The following NUDT6 variants were observed in gnomAD, a reference collection of about 807,000 sequenced individuals.
NUDT6 encodes the protein nudix hydrolase 6.
In NUDT6, 24 loss-of-function variants were observed where a neutral mutation model predicts 36.8. That is an observed-to-expected ratio of 0.65 (90% CI 0.47 to 0.92). NUDT6 has a LOEUF of 0.92. Ranked by LOEUF, NUDT6 falls within the 40% of genes least tolerant of loss-of-function variation. NUDT6 has a pLI of 0.00. For synonymous variants in NUDT6, 163 were observed against 157.0 expected (o/e 1.04, Z -0.29); for missense variants, 388 against 392.8 (o/e 0.99, Z 0.10).
chr4:122,895,125 C>CG (rs1260935934), intron 4 of NUDT6: 3 of 152,134 alleles, frequency 2.0e-5, no homozygotes, highest in South Asian at 2.1e-4. Context: ...CCAGAGTATG[C>CG]GGGAGACCCT....
rs561954874 is a variant in NUDT6 at position 122,898,430 on chromosome 4, C to T, written c.499-752G>A. Among the ~76,000 whole-genome samples the T allele has an allele frequency of 7.2e-5, 11 of 152,082 alleles. No homozygotes were observed. The South Asian group carries it at 1.9e-3, about 26-fold the overall frequency. The stretch of plus-strand genomic sequence containing the variant: ...CTGTTAGAGTTCTATCTATCCATCA[C>T]GTGATAAAAGAAAAGAATGAGAAAT... On this transcript the variant is annotated intron_variant, in intron 3 of 4. Transcript: ENST00000304430.
chr4:122,918,845 A>G (rs1727905694), intron 1 of NUDT6: 1 of 152,264 alleles, frequency 6.6e-6, no homozygotes, highest in Non-Finnish European at 1.5e-5. Flanking sequence ...GAGGTAAAGT[A>G]CATAAAGTGA....
At chr4:122,910,412 G>C (rs1727709732) in intron 3 of NUDT6, among the ~76,000 whole-genome samples, 1 of 152,044 alleles carries the variant, frequency 6.6e-6, no homozygotes, top group Admixed American at 6.6e-5. Flanking sequence ...ACATACCCAA[G>C]TTTGTTTTCT....
Position 122,897,681 on chromosome 4 carries a change from G to T in NUDT6, c.499-3C>A. 5 of 1,595,004 alleles carry T rather than the reference G, an allele frequency of 3.1e-6. No homozygotes were observed. The highest frequency in any genetic ancestry group is 4.3e-6 in the Non-Finnish European group (5 of 1,162,678). ...GGAAACTTCCACATATTTTTCAACT[G>T]CAGTATAAAGTCAGAAAATAAAGTT... On this transcript the variant is annotated splice_polypyrimidine_tract_variant and splice_region_variant and intron_variant, in intron 3 of 4. Coordinates refer to ENST00000304430, the MANE Select transcript of NUDT6 (RefSeq NM_007083.5).
At chr4:122,922,278 T>C (rs746446381) in intron 1 of NUDT6, 57 bp downstream of exon 1, 2 of 1,469,036 alleles carry the variant, frequency 1.4e-6, no homozygotes, top group South Asian at 2.4e-5. Context: ...GGGGCCGCGG[T>C]TATTTCATTA....
Position 122,922,377 on chromosome 4 carries a change from G to A in NUDT6, c.196C>T (p.Leu66=). 1.9e-6 allele frequency: 3 copies of A among 1,606,672 alleles called. No homozygotes were observed. In the South Asian group the frequency reaches 3.3e-5, roughly 18 times the overall value. The part of the protein sequence containing the change: ...ISVRLARLDA[L]DRLDAAAFQK... ...AAGGCGGCAGCGTCCAGGCGGTCCA[G>A]CGCATCGAGCCGCGCCAGGCGCACC... The change falls in exon 1 of 5, where the codon CTG becomes TTG. Residue 66 remains leucine, a synonymous_variant. Coordinates refer to ENST00000304430, the MANE Select transcript of NUDT6 (RefSeq NM_007083.5).
intron 4 of NUDT6, 145 bp downstream of exon 4, chr4:122,897,479 G>C: frequency 1.5e-6 from 1 of 670,912 alleles, no homozygotes; most frequent in Non-Finnish European, 2.7e-6. Context: ...AATTATATCA[G>C]CTCTGAGGTA....
chr4:122,921,850 T>C (rs988255152), intron 1 of NUDT6: 1 of 153,112 alleles, frequency 6.5e-6, no homozygotes, highest in African/African-American at 2.4e-5. Flanking sequence ...GTAAGAGTTT[T>C]TTTCCTTGGG....
chr4:122,904,993 G>T (rs774216600), intron 3 of NUDT6, among the ~76,000 whole-genome samples: 8 of 152,190 alleles, frequency 5.3e-5, no homozygotes, highest in Non-Finnish European at 7.3e-5. Context: ...GCAGCAGCAA[G>T]ATTTACTATG....
intron 3 of NUDT6, among the ~76,000 whole-genome samples, chr4:122,907,025 A>G (rs978345120): frequency 2.6e-5 from 4 of 152,210 alleles, no homozygotes; most frequent in African/African-American, 9.6e-5. Context: ...TGGAAAACTC[A>G]TGAATAAGCC....
At chr4:122,896,780 A>G (rs775919255) in intron 4 of NUDT6, 4 of 152,214 alleles carry the variant, frequency 2.6e-5, no homozygotes, top group Non-Finnish European at 5.9e-5. Context: ...ATTTTTAAAT[A>G]AAATATTTAA....
chr4:122,921,274 G>C (rs1260131770), intron 1 of NUDT6: 1 of 152,124 alleles, frequency 6.6e-6, no homozygotes, highest in Non-Finnish European at 1.5e-5. Context: ...GAACCTCTCT[G>C]GTTTAGTATT....
chr4:122,911,963 C>T (rs1184446916), intron 3 of NUDT6, among the ~76,000 whole-genome samples: 1 of 152,174 alleles, frequency 6.6e-6, no homozygotes, highest in East Asian at 1.9e-4. Context: ...TATTTCTAAA[C>T]TATGTCAGTC....
chr4:122,898,851 T>C (rs1002629721), intron 3 of NUDT6, among the ~76,000 whole-genome samples: 2 of 152,156 alleles, frequency 1.3e-5, no homozygotes, highest in African/African-American at 4.8e-5. Flanking sequence ...GCAGTCTTTG[T>C]CTTGACAAGA....
At chr4:122,893,848 G>A (rs1727265299) in intron 4 of NUDT6, 1 of 152,154 alleles carries the variant, frequency 6.6e-6, no homozygotes, top group Non-Finnish European at 1.5e-5. Context: ...GTGATGTTCT[G>A]TCATTGTCTC....
intron 4 of NUDT6, chr4:122,895,391 G>A (rs1404669037): frequency 6.6e-6 from 1 of 152,130 alleles, no homozygotes; most frequent in Admixed American, 6.5e-5. Flanking sequence ...TAATGAAATG[G>A]AGTTTATATT....
At chr4:122,916,380 C>CATCGTTTTGTTG (rs1410349361) in intron 2 of NUDT6, among the ~76,000 whole-genome samples, 2 of 152,138 alleles carry the variant, frequency 1.3e-5, no homozygotes, top group Non-Finnish European at 2.9e-5. Context: ...TTTTAAACAA[C>CATCGTTTTGTTG]TGTTTGGCAC....
intron 3 of NUDT6, among the ~76,000 whole-genome samples, chr4:122,902,348 T>C (rs898536787): frequency 4.6e-5 from 7 of 152,228 alleles, no homozygotes; most frequent in Non-Finnish European, 1.0e-4. Context: ...ATAACACTTA[T>C]CTCCACCTTA....
Position 122,922,487 on chromosome 4 carries a change from G to C in NUDT6, c.86C>G (p.Ala29Gly), listed in dbSNP as rs1271869769. ...CCGCACGTAACCCTGTGCGCCCGAG[G>C]CCCAGCGGTAACCCGCCGAAGGCCC... ...GPGPSAGYRW[A>G]SGAQGYVRNP... is the part of the protein sequence containing the mutation. Residue 29 changes from alanine to glycine, a missense_variant, in exon 1 of 5, where the codon GCC becomes GGC. Physicochemically the swap from Ala to Gly is moderately conservative, Grantham distance 60 (BLOSUM62 0). Coordinates refer to ENST00000304430, the MANE Select transcript of NUDT6 (RefSeq NM_007083.5). The C allele has an allele frequency of 1.2e-6, 2 of 1,611,280 alleles. No homozygotes were observed. The highest frequency in any genetic ancestry group is 1.7e-6 in the Non-Finnish European group (2 of 1,179,786).
Sources: allele counts gnomAD v4.1 joint callset (sites outside exome capture counted in the v4.1 genomes callset), GRCh38; gene constraint gnomAD v4.1.1; transcripts MANE v1.5; gene names NCBI Gene and HGNC (gene_info 2026-07-23, HGNC 2026-07-21).